CACNA2D3: variants seen among roughly 807,000 people sequenced by gnomAD.
CACNA2D3 encodes voltage-dependent calcium channel subunit alpha-2/delta-3.
A neutral mutation model predicts 160.6 loss-of-function variants in CACNA2D3; 60 were observed. That is an observed-to-expected ratio of 0.37 (90% CI 0.30 to 0.46). The LOEUF (loss-of-function observed/expected upper bound fraction) is 0.46, where lower values mean the gene tolerates loss of function less well. CACNA2D3 is among the 20% of genes least tolerant of loss of function. CACNA2D3 has a pLI of 1.00. For synonymous variants in CACNA2D3, 558 were observed against 492.9 expected, an observed-to-expected ratio of 1.13 and a Z score of -1.75; for missense variants, 1,205 against 1,365.0, an observed-to-expected ratio of 0.88 and a Z score of 1.85.
In CACNA2D3 at chr3:54,850,282, A is replaced by G. The variant is rs538515714; in HGVS notation, c.1626+3815A>G. ...AAAGGGGCCGGGGGGCTGCAGCACA[A>G]GTGGGGACAGACACCTGTTCTCAAG... On this transcript the variant is annotated intron_variant, in intron 17 of 37. Transcript: ENST00000474759. 5.4e-3 allele frequency among the ~76,000 whole-genome samples: 822 copies of G among 152,326 alleles called. 6 individuals carry two copies. The highest frequency in any genetic ancestry group is 0.018 in the African/African-American group (759 of 41,572).
intron 4 of CACNA2D3, among the ~76,000 whole-genome samples, chr3:54,480,920 A>T (rs1700922583): frequency 6.6e-6 from 1 of 152,220 alleles, no homozygotes; most frequent in African/African-American, 2.4e-5. Context: ...AACAATCCAT[A>T]GAAGAATGTC....
chr3:54,450,971 AC>A (rs1422660477), intron 4 of CACNA2D3, among the ~76,000 whole-genome samples: 1 of 151,994 alleles, frequency 6.6e-6, no homozygotes, highest in African/African-American at 2.4e-5. Context: ...AGACATTCCT[AC>A]TCCAAATGGG....
intron 27 of CACNA2D3, among the ~76,000 whole-genome samples, chr3:54,931,654 C>T (rs1701194635): frequency 6.6e-6 from 1 of 152,120 alleles, no homozygotes; most frequent in Non-Finnish European, 1.5e-5. Context: ...GCAGATGCAC[C>T]CGTAGAGTAA....
At chr3:54,650,721 G>A (rs910148504) in intron 11 of CACNA2D3, among the ~76,000 whole-genome samples, 4 of 152,066 alleles carry the variant, frequency 2.6e-5, no homozygotes, top group South Asian at 2.1e-4. Flanking sequence ...GGCTGGTTTC[G>A]AACTCCTGGC....
intron 16 of CACNA2D3, 21 bp from the exon 17 acceptor site, chr3:54,846,372 C>CT: frequency 6.4e-7 from 1 of 1,556,524 alleles, no homozygotes; most frequent in Non-Finnish European, 8.8e-7. Context: ...ATGAAGGTTT[C>CT]TTTCTTGCTT....
At chr3:54,472,160 C>G (rs1041821779) in intron 4 of CACNA2D3, among the ~76,000 whole-genome samples, 4 of 152,192 alleles carry the variant, frequency 2.6e-5, no homozygotes, top group Admixed American at 6.5e-5. Flanking sequence ...AAAATACTGG[C>G]AAACCAAATC....
At chr3:54,468,505 C>T (rs781645580) in intron 4 of CACNA2D3, among the ~76,000 whole-genome samples, 12 of 152,276 alleles carry the variant, frequency 7.9e-5, no homozygotes, top group Non-Finnish European at 1.5e-4. Context: ...ATGGGGCAGC[C>T]GTTTGGTCAG....
intron 13 of CACNA2D3, among the ~76,000 whole-genome samples, chr3:54,801,618 G>A (rs548631276): frequency 1.2e-4 from 19 of 152,170 alleles, no homozygotes; most frequent in African/African-American, 2.6e-4. Context: ...TGAGATCAGC[G>A]GTGGATATTA....
At chr3:55,037,003 AG>A (rs1703832195) in intron 35 of CACNA2D3, among the ~76,000 whole-genome samples, 2 of 141,752 alleles carry the variant, frequency 1.4e-5, no homozygotes. Flanking sequence ...CACTTTGGCC[AG>A]GTTTCCCAGG....
chr3:54,402,176 C>A (rs59861378), intron 4 of CACNA2D3, among the ~76,000 whole-genome samples: 4,772 of 151,878 alleles, frequency 0.031, 257 homozygotes, highest in African/African-American at 0.11. Flanking sequence ...ACTACAGAAA[C>A]TTACTAGATT....
intron 3 of CACNA2D3, among the ~76,000 whole-genome samples, chr3:54,324,836 G>A (rs1704087062): frequency 6.6e-6 from 1 of 152,158 alleles, no homozygotes. Context: ...GAAAGGATAT[G>A]CACCAGTCCT....
rs866879349 is a variant in CACNA2D3, at chr3:54,582,462, A to G, written c.963+585A>G. On this transcript the variant is annotated intron_variant, in intron 9 of 37. Coordinates refer to ENST00000474759, the MANE Select transcript of CACNA2D3 (RefSeq NM_018398.3). ...TTTGGAGTATCCTAGGAAAATTTCTAAAGTAGACTTCTGTAAAATAAATCC... is the reference window on the plus strand; with the variant it reads ...TTTGGAGTATCCTAGGAAAATTTCTGAAGTAGACTTCTGTAAAATAAATCC... Among the ~76,000 whole-genome samples, 3 of 152,234 alleles carry G rather than the reference A, an allele frequency of 2.0e-5. No homozygotes were observed. In the East Asian group the frequency reaches 5.8e-4, roughly 29 times the overall value.
chr3:54,906,480 C>T lies in CACNA2D3; in HGVS notation c.2449+6612C>T, dbSNP rs1700451139. ...ATCATGAGACGCAGTCTGCAGTCAT[C>T]ATGCAAAGATATACAGGAAGAGTAT... On this transcript the variant is annotated intron_variant, in intron 27 of 37. Coordinates refer to ENST00000474759, the MANE Select transcript of CACNA2D3 (RefSeq NM_018398.3). 2.6e-5 allele frequency among the ~76,000 whole-genome samples: 4 copies of T among 152,202 alleles called. No homozygotes were observed. The South Asian group carries it at 8.3e-4, about 31-fold the overall frequency.
At chr3:54,180,023 T>C (rs555472853) in intron 2 of CACNA2D3, among the ~76,000 whole-genome samples, 22 of 152,256 alleles carry the variant, frequency 1.4e-4, no homozygotes, top group African/African-American at 5.3e-4. Context: ...GTTTCATTTT[T>C]TCTTCCTTTT....
At chr3:54,603,130 G>T (rs1041634010) in intron 9 of CACNA2D3, among the ~76,000 whole-genome samples, 5 of 152,230 alleles carry the variant, frequency 3.3e-5, no homozygotes, top group Admixed American at 1.3e-4. Flanking sequence ...CTTAATTGGT[G>T]AGTCAGTTGC....
intron 4 of CACNA2D3, among the ~76,000 whole-genome samples, chr3:54,428,344 A>G (rs111232143): frequency 1.3e-5 from 2 of 152,314 alleles, no homozygotes; most frequent in African/African-American, 4.8e-5. Flanking sequence ...TATTGAATTA[A>G]AGTAAATGAA....
chr3:54,889,240 T>G (rs970119580), intron 24 of CACNA2D3, among the ~76,000 whole-genome samples: 1 of 152,136 alleles, frequency 6.6e-6, no homozygotes, highest in Non-Finnish European at 1.5e-5. Context: ...CTCAGAGCAG[T>G]GGAAGATCAC....
At chr3:54,370,836 G>GAAA (rs60211171) in intron 3 of CACNA2D3, among the ~76,000 whole-genome samples, 7 of 85,754 alleles carry the variant, frequency 8.2e-5, no homozygotes, top group Non-Finnish European at 1.2e-4. Context: ...CCCGACTCCA[G>GAAA]AAAAAAAAAA....
intron 27 of CACNA2D3, among the ~76,000 whole-genome samples, chr3:54,922,827 CA>C (rs1469860394): frequency 6.6e-6 from 1 of 152,184 alleles, no homozygotes; most frequent in Admixed American, 6.5e-5. Flanking sequence ...TCACTCCCCC[CA>C]GTCCCCTCTT....
Sources: allele counts gnomAD v4.1 joint callset (sites outside exome capture counted in the v4.1 genomes callset), GRCh38; gene constraint gnomAD v4.1.1; transcripts MANE v1.5; gene names NCBI Gene and HGNC (gene_info 2026-07-23, HGNC 2026-07-21).